Variants in DPP8 observed in about 807,000 individuals in gnomAD.
The protein encoded by DPP8 is DPP VIII.
Under a neutral mutation model 107.5 loss-of-function variants are expected in DPP8, and 31 were observed. The ratio of observed to expected loss-of-function variants is 0.29; its 90% confidence interval spans 0.22 to 0.39. The LOEUF (loss-of-function observed/expected upper bound fraction) is 0.39. Ranked by LOEUF, DPP8 falls within the 10% of genes least tolerant of loss-of-function variation. The pLI is 1.00. For missense variants in DPP8, 842 were observed against 1,076.1 expected (o/e 0.78, Z 3.04); for synonymous variants, 381 against 356.6 (o/e 1.07, Z -0.77).
chr15:65,469,922 T>C (rs2065709566), intron 12 of DPP8, among the ~76,000 whole-genome samples: 2 of 151,674 alleles, frequency 1.3e-5, no homozygotes, highest in South Asian at 4.2e-4. Context: ...GATGGCCAGG[T>C]GTGGTGGCTC....
chr15:65,490,394 T>C lies in DPP8; in HGVS notation c.716-95A>G. 3.8e-6 allele frequency: 3 copies of C among 794,970 alleles called. No homozygotes were observed. In the South Asian group the frequency reaches 4.3e-5, roughly 11 times the overall value. The allele number at this position is 794,970 out of a possible 1,614,324, so 49.2% of individuals were successfully genotyped here. On this transcript the variant is annotated intron_variant, in intron 5 of 19. Transcript: ENST00000300141. ...AGTTTATTTGGAAAGGTGGCTGGAA[T>C]ACAGTGGTAAACTCTGGAGCTGAAC...
chr15:65,458,876 T>TAC (rs905631386), intron 15 of DPP8: 5 of 152,154 alleles, frequency 3.3e-5, no homozygotes, highest in African/African-American at 1.2e-4. Context: ...GACCTAGTCC[T>TAC]ACATTAGAGA....
chr15:65,446,954 T>A lies in DPP8; in HGVS notation c.2579A>T (p.Tyr860Phe), dbSNP rs1318701125. 6.2e-7 allele frequency: 1 copy of A among 1,612,746 alleles called. No individual in the cohort carries two copies. Among genetic ancestry groups the A allele is most frequent in the South Asian group, 1.1e-5 (1 of 90,992 alleles). The change falls in exon 20 of 20, where the codon TAT becomes TTT. Residue 860 changes from tyrosine (Y) to phenylalanine (F), a missense_variant. Around this residue, in one of 2 missense-constraint regions of DPP8, gnomAD observed 179 missense variants for 318.0 expected, o/e 0.56. Transcript: ENST00000300141. Reference protein sequence around the residue: ...SIRVPESGEHYELHLLHYLQE... With the variant: ...SIRVPESGEHFELHLLHYLQE... Reference sequence around the variant, plus strand: ...AAGGTAGTGCAAAAGATGCAGTTCATAATGTTCTCCCGATTCAGGAACTCT... The same window carrying A: ...AAGGTAGTGCAAAAGATGCAGTTCAAAATGTTCTCCCGATTCAGGAACTCT...
chr15:65,475,489 C>T (rs939914096), intron 11 of DPP8: 5 of 1,505,906 alleles, frequency 3.3e-6, no homozygotes, highest in Non-Finnish European at 3.7e-6. Flanking sequence ...GTCTCACTCC[C>T]ACATAGGCCA....
intron 12 of DPP8, 85 bp from the exon 13 acceptor site, chr15:65,467,308 C>G (rs2065448144): frequency 7.3e-7 from 1 of 1,372,748 alleles, no homozygotes; most frequent in Non-Finnish European, 1.0e-6. Flanking sequence ...ATCACTTGAG[C>G]CACTCCTTGA....
intron 11 of DPP8, among the ~76,000 whole-genome samples, chr15:65,477,219 G>A (rs1430298454): frequency 6.6e-6 from 1 of 151,984 alleles, no homozygotes; most frequent in African/African-American, 2.4e-5. Context: ...TCAGGAGTTC[G>A]AGACCAGCCC....
chr15:65,512,082 G>A (rs528533707), intron 2 of DPP8: 12 of 692,742 alleles, frequency 1.7e-5, no homozygotes, highest in Non-Finnish European at 2.3e-5. Context: ...TTTGAAAAAC[G>A]ATCATGATCA....
chr15:65,511,619 G>A (rs1249700171), intron 2 of DPP8, among the ~76,000 whole-genome samples: 1 of 124,732 alleles, frequency 8.0e-6, no homozygotes, highest in East Asian at 2.6e-4. Flanking sequence ...CAACCTGGGT[G>A]ACAGAGTGAG....
chr15:65,474,184 A>AT (rs2066176855), intron 12 of DPP8, 25 bp downstream of exon 12: 1 of 1,503,416 alleles, frequency 6.7e-7, no homozygotes, highest in Non-Finnish European at 9.3e-7. Context: ...CTGACCAAAC[A>AT]TATCAGTAGA....
intron 12 of DPP8, among the ~76,000 whole-genome samples, chr15:65,470,433 C>G (rs1340922697): frequency 6.6e-6 from 1 of 151,118 alleles, no homozygotes; most frequent in African/African-American, 2.4e-5. Context: ...TGGTGAAACC[C>G]CGTCTCTACT....
intron 14 of DPP8, 31 bp from the exon 15 acceptor site, chr15:65,463,937 A>G: frequency 2.7e-6 from 4 of 1,488,576 alleles, no homozygotes; most frequent in Non-Finnish European, 3.6e-6. Context: ...AGAGTCTACA[A>G]AAGAGTTCTT....
chr15:65,468,575 CT>C (rs1019226006), intron 12 of DPP8, among the ~76,000 whole-genome samples: 6 of 152,014 alleles, frequency 3.9e-5, no homozygotes, highest in South Asian at 4.2e-4. Context: ...TTTTAAATGC[CT>C]TTTTTCCCCC....
At chr15:65,516,362 C>T (rs1273987817) in intron 1 of DPP8, 1 of 151,484 alleles carries the variant, frequency 6.6e-6, no homozygotes, top group Admixed American at 6.6e-5. Flanking sequence ...TGCTGCATTA[C>T]TCTGAGAATA....
intron 16 of DPP8, chr15:65,455,552 C>T: frequency 1.6e-6 from 1 of 627,674 alleles, no homozygotes; most frequent in South Asian, 2.4e-5. Flanking sequence ...CTTTAAAGTC[C>T]TAATTCCTAC....
At chr15:65,504,446 C>A (rs1056007942) in intron 3 of DPP8, among the ~76,000 whole-genome samples, 8 of 151,134 alleles carry the variant, frequency 5.3e-5, no homozygotes, top group African/African-American at 1.7e-4. Context: ...CTGAGGTAGG[C>A]AGATTACAAG....
At chr15:65,469,535 C>G (rs1248397572) in intron 12 of DPP8, among the ~76,000 whole-genome samples, 1 of 149,730 alleles carries the variant, frequency 6.7e-6, no homozygotes, top group Non-Finnish European at 1.5e-5. Flanking sequence ...CACCTGTAAT[C>G]CCAGCTACTC....
intron 5 of DPP8, among the ~76,000 whole-genome samples, chr15:65,491,630 T>C (rs1456343818): frequency 6.6e-6 from 1 of 152,238 alleles, no homozygotes; most frequent in African/African-American, 2.4e-5. Context: ...CAGTAGTTAG[T>C]TGCTGTTTAC....
At position 65,448,226 on chromosome 15, in the gene DPP8, T is replaced by A. The variant is rs114595712; in HGVS notation, c.2527-1220A>T. 5.4e-3 allele frequency among the ~76,000 whole-genome samples: 823 copies of A among 151,714 alleles called. 5 individuals carry two copies. The highest frequency in any genetic ancestry group is 0.019 in the African/African-American group (768 of 41,334). ...ATAGTAAGACTCTATTTAAAAAAAATAAATAAAAAACAACAAAAAATTCCT... is the reference window on the plus strand; with the variant it reads ...ATAGTAAGACTCTATTTAAAAAAAAAAAATAAAAAACAACAAAAAATTCCT... On this transcript the variant is annotated intron_variant, in intron 19 of 19. Coordinates refer to ENST00000300141, the MANE Select transcript of DPP8 (RefSeq NM_130434.5).
rs193169312 is a variant in DPP8 at position 65,465,712 on chromosome 15, C to G, written c.1825+966G>C. Among the ~76,000 whole-genome samples, 438 of 151,980 alleles carry G rather than the reference C, an allele frequency of 2.9e-3. 2 individuals carry two copies. The highest frequency in any genetic ancestry group is 0.017 in the Middle Eastern group (5 of 294). On this transcript the variant is annotated intron_variant, in intron 14 of 19. Coordinates refer to ENST00000300141, the MANE Select transcript of DPP8 (RefSeq NM_130434.5). ...CTGGGACTACAGGCGTGTACCACCA[C>G]ACCCGGCTAATTTTTTGTATTTTTT...
Sources: gnomAD v4.1 joint callset for allele counts (sites outside exome capture counted in the v4.1 genomes callset) on GRCh38, gnomAD v4.1.1 for gene constraint, gnomAD v4.1.1 regional missense constraint, MANE v1.5 for transcripts, NCBI Gene and HGNC (gene_info 2026-07-23, HGNC 2026-07-21) for gene names.